Variants in TMEM184B observed in about 807,000 individuals in gnomAD.
The protein encoded by TMEM184B is transmembrane protein 184B, also known as putative MAPK-activating protein FM08.
TMEM184B carries 17 observed loss-of-function variants against 41.8 expected under a neutral mutation model. The observed-to-expected ratio is 0.41, with a 90% CI of 0.28 to 0.61. The LOEUF (loss-of-function observed/expected upper bound fraction) is 0.61, where lower values mean the gene tolerates loss of function less well. Among genes scored for constraint, TMEM184B ranks in the 20% least tolerant of loss-of-function variants. The pLI is 0.34. For missense variants in TMEM184B, 393 were observed against 557.8 expected, an observed-to-expected ratio of 0.70 and a Z score of 2.98; for synonymous variants, 240 against 229.5, an observed-to-expected ratio of 1.05 and a Z score of -0.41.
rs1569037094 is a variant in TMEM184B at position 38,245,952 on chromosome 22, A to G, written c.341T>C (p.Val114Ala). The change falls in exon 3 of 9, where the codon GTC (valine) becomes GCC (alanine). Residue 114 changes from valine to alanine, a missense_variant. Physicochemically the swap from Val to Ala is moderately conservative, Grantham distance 64 (BLOSUM62 0). Around this residue, in one of 2 missense-constraint regions of TMEM184B, gnomAD observed 271 missense variants for 434.1 expected, o/e 0.62. Coordinates refer to ENST00000361906, the MANE Select transcript of TMEM184B (RefSeq NM_012264.5). ...ATCCTCACCCTCATAGCAGTCGCGG[A>G]CGGTGCCGAAGTACACGTAGTACTG... ...NDQYYVYFGT[V>A]RDCYEALVIY... The G allele has an allele frequency of 7.3e-7, 1 of 1,377,252 alleles. No individual in the cohort carries two copies. The highest frequency in any genetic ancestry group is 9.7e-7 in the Non-Finnish European group (1 of 1,032,032). The allele number at this position is 1,377,252 out of a possible 1,614,324, so 85.3% of individuals were successfully genotyped here. A position where few individuals can be genotyped will look rare whatever the true frequency, so the allele number is the denominator to read the frequency against.
At chr22:38,257,558 A>T (rs2092303124) in intron 1 of TMEM184B, among the ~76,000 whole-genome samples, 1 of 152,168 alleles carries the variant, frequency 6.6e-6, no homozygotes, top group African/African-American at 2.4e-5. Context: ...TCTCTCACTG[A>T]TCACGAAAGC....
chr22:38,233,754 TTTG>T (rs1330184931), intron 3 of TMEM184B, among the ~76,000 whole-genome samples: 4 of 151,856 alleles, frequency 2.6e-5, no homozygotes, highest in African/African-American at 9.7e-5. Flanking sequence ...TGTATTTTTT[TTTG>T]TTGTTTTTGT....
rs1258573694 is a variant in TMEM184B at position 38,220,572 on chromosome 22, C to T, written c.*897G>A. On this transcript the variant is annotated 3_prime_UTR_variant, in exon 9 of 9. Transcript: ENST00000361906. ...CTGAAACGTGGAGACTCAGACCTTT[C>T]CCCTGAAACGGGAGGGAGAAGCCCC... 2 of 985,958 alleles carry T rather than the reference C, an allele frequency of 2.0e-6. No homozygotes were observed. Among genetic ancestry groups the T allele is most frequent in the Non-Finnish European group, 2.4e-6 (2 of 829,996 alleles). 61.1% of individuals were successfully genotyped at this position (985,958 alleles called of 1,614,324 possible).
At chr22:38,257,097 T>C (rs1320315561) in intron 1 of TMEM184B, among the ~76,000 whole-genome samples, 1 of 150,610 alleles carries the variant, frequency 6.6e-6, no homozygotes, top group Non-Finnish European at 1.5e-5. Context: ...TTCTCCTGCC[T>C]CAGCCTCCCA....
intron 8 of TMEM184B, chr22:38,223,923 C>A (rs556355569): frequency 6.6e-6 from 1 of 152,380 alleles, no homozygotes; most frequent in African/African-American, 2.4e-5. Context: ...AGCCTGCCAG[C>A]CCGGACCCAT....
Position 38,242,655 on chromosome 22 carries a change from G to A in TMEM184B, c.358+3280C>T, listed in dbSNP as rs146006483. On this transcript the variant is annotated intron_variant, in intron 3 of 8. Coordinates refer to ENST00000361906, the MANE Select transcript of TMEM184B (RefSeq NM_012264.5). ...GTGAGAGGGGAAATACAAGGATCGG[G>A]GGGGACTGCCCCATCACTGACTCTG... Among the ~76,000 whole-genome samples the A allele has an allele frequency of 6.4e-3, 980 of 152,310 alleles. 13 individuals carry two copies. The highest frequency in any genetic ancestry group is 0.023 in the African/African-American group (940 of 41,566).
At chr22:38,233,095 C>T (rs548103442) in intron 3 of TMEM184B, among the ~76,000 whole-genome samples, 243 of 152,318 alleles carry the variant, frequency 1.6e-3, no homozygotes, top group African/African-American at 5.1e-3. Context: ...TGAACTGGAG[C>T]GTGGAAAGCC....
intron 3 of TMEM184B, 36 bp downstream of exon 3, chr22:38,245,899 C>T (rs756324490): frequency 2.2e-6 from 3 of 1,343,686 alleles, no homozygotes; most frequent in South Asian, 2.4e-5. Flanking sequence ...CCCCCCAGCC[C>T]CCCGCCAGCC....
At chr22:38,247,332 G>A (rs796286686) in intron 2 of TMEM184B, among the ~76,000 whole-genome samples, 1 of 152,238 alleles carries the variant, frequency 6.6e-6, no homozygotes, top group South Asian at 2.1e-4. Flanking sequence ...CTGGCTGGAG[G>A]TGGTTAAATA....
intron 1 of TMEM184B, among the ~76,000 whole-genome samples, chr22:38,251,507 C>T (rs536348796): frequency 2.2e-4 from 33 of 152,340 alleles, no homozygotes; most frequent in Admixed American, 1.3e-3. Context: ...GCCCAGAGCT[C>T]GCCTTGCTCC....
At position 38,272,925 on chromosome 22, in the gene TMEM184B, C is replaced by T. The variant is rs1195739793; in HGVS notation, c.-100G>A. ...GGTGGCGGCGTCTGCGGACGATGCGCGGCAGCCGGACTCTGCGGGCGGGGC... is the reference window on the plus strand; with the variant it reads ...GGTGGCGGCGTCTGCGGACGATGCGTGGCAGCCGGACTCTGCGGGCGGGGC... On this transcript the variant is annotated 5_prime_UTR_variant, in exon 1 of 9. Transcript: ENST00000361906. 13 of 584,350 alleles carry T rather than the reference C, an allele frequency of 2.2e-5. No individual in the cohort carries two copies. Among genetic ancestry groups the T allele is most frequent in the Non-Finnish European group, 2.8e-5 (13 of 463,884 alleles). The allele number at this position is 584,350 out of a possible 1,614,324, so 36.2% of individuals were successfully genotyped here.
At chr22:38,230,824 C>A in intron 4 of TMEM184B, 80 bp from the exon 5 acceptor site, 3 of 1,347,910 alleles carry the variant, frequency 2.2e-6, no homozygotes, top group East Asian at 2.4e-5. Flanking sequence ...GAAGGCCGCC[C>A]TCCCACCCAT....
At chr22:38,233,110 T>C (rs1490736684) in intron 3 of TMEM184B, among the ~76,000 whole-genome samples, 1 of 152,276 alleles carries the variant, frequency 6.6e-6, no homozygotes, top group Non-Finnish European at 1.5e-5. Context: ...AAAGCCCTGG[T>C]GATGTTTTTT....
chr22:38,259,975 A>C (rs1602487523), intron 1 of TMEM184B, among the ~76,000 whole-genome samples: 1 of 120,942 alleles, frequency 8.3e-6, no homozygotes, highest in Non-Finnish European at 1.6e-5. Context: ...ACGGAGTCTC[A>C]CTCTGTCACC....
At chr22:38,237,975 T>C (rs2091818648) in intron 3 of TMEM184B, among the ~76,000 whole-genome samples, 1 of 151,778 alleles carries the variant, frequency 6.6e-6, no homozygotes, top group Non-Finnish European at 1.5e-5. Flanking sequence ...TAATTTTGTA[T>C]TTTTAGTAGA....
At position 38,221,187 on chromosome 22, in the gene TMEM184B, C is replaced by T. The variant is rs2091249327; in HGVS notation, c.*282G>A. 7.8e-7 allele frequency: 1 copy of T among 1,290,296 alleles called. No homozygotes were observed. 79.9% of individuals were successfully genotyped at this position (1,290,296 alleles called of 1,614,324 possible). A position where few individuals can be genotyped will look rare whatever the true frequency, so the allele number is the denominator to read the frequency against. On this transcript the variant is annotated 3_prime_UTR_variant, in exon 9 of 9. Transcript: ENST00000361906. ...GGGTGCGGCTGGTCCCAGCATGCCC[C>T]CAGCACAGGACGGGCAGCAGGGGCA... is the stretch of plus-strand genomic sequence containing the variant.
chr22:38,219,685 A>T lies in TMEM184B; in HGVS notation c.*1784T>A, dbSNP rs1344356216. ...CGCAAACAGCAACGCTGGGCAGGCGAAAACCAAGGGAGTGGGAATCAGCAG... is the reference window on the plus strand; with the variant it reads ...CGCAAACAGCAACGCTGGGCAGGCGTAAACCAAGGGAGTGGGAATCAGCAG... On this transcript the variant is annotated 3_prime_UTR_variant, in exon 9 of 9. Coordinates refer to ENST00000361906, the MANE Select transcript of TMEM184B (RefSeq NM_012264.5). 6.1e-6 allele frequency: 6 copies of T among 985,412 alleles called. No individual in the cohort carries two copies. The highest frequency in any genetic ancestry group is 7.2e-6 in the Non-Finnish European group (6 of 829,962). 61.0% of individuals were successfully genotyped at this position (985,412 alleles called of 1,614,324 possible).
At chr22:38,256,965 T>A (rs574213413) in intron 1 of TMEM184B, among the ~76,000 whole-genome samples, 1 of 150,182 alleles carries the variant, frequency 6.7e-6, no homozygotes, top group Admixed American at 6.7e-5. Flanking sequence ...AGCCTGGAAG[T>A]GGACATTAAT....
Position 38,225,109 on chromosome 22 carries a change from G to A in TMEM184B, c.788-130C>T, listed in dbSNP as rs2091391981. 1 of 1,124,472 alleles carries A rather than the reference G, an allele frequency of 8.9e-7. No individual in the cohort carries two copies. The highest frequency in any genetic ancestry group is 1.2e-6 in the Non-Finnish European group (1 of 818,900). The allele number at this position is 1,124,472 out of a possible 1,614,324, so 69.7% of individuals were successfully genotyped here. A position where few individuals can be genotyped will look rare whatever the true frequency, so the allele number is the denominator to read the frequency against. On this transcript the variant is annotated intron_variant, in intron 7 of 8. Transcript: ENST00000361906. This position sits in a 1 kb window ranked among gnomAD's most constrained non-coding sequence, Gnocchi z 4.4. ...GAGCAGGGCCACAGCTGCTCCTGCA[G>A]GGCAGGGGTAGCGACACAAGGCCAC...
Sources: allele counts gnomAD v4.1 joint callset (sites outside exome capture counted in the v4.1 genomes callset), GRCh38; gene constraint gnomAD v4.1.1; regional missense constraint gnomAD v4.1.1; non-coding constraint Gnocchi (gnomAD v3.1); transcripts MANE v1.5; gene names NCBI Gene and HGNC (gene_info 2026-07-23, HGNC 2026-07-21).